The following CSMD3 variants were observed in gnomAD, a reference collection of about 807,000 sequenced individuals.
CSMD3 encodes the protein CUB and sushi domain-containing protein 3.
CSMD3 carries 177 observed loss-of-function variants against 435.2 expected under a neutral mutation model. That is an observed-to-expected ratio of 0.41 (90% CI 0.36 to 0.46). The LOEUF (loss-of-function observed/expected upper bound fraction) is 0.46. CSMD3 is among the 20% of genes least tolerant of loss of function. The pLI is 0.34. For missense variants in CSMD3, 4,265 were observed against 4,504.6 expected, an observed-to-expected ratio of 0.95 and a Z score of 1.52; for synonymous variants, 1,656 against 1,520.5, an observed-to-expected ratio of 1.09 and a Z score of -2.07.
At chr8:112,888,288 G>A (rs1262981379) in intron 10 of CSMD3, among the ~76,000 whole-genome samples, 2 of 151,542 alleles carry the variant, frequency 1.3e-5, no homozygotes, top group South Asian at 2.1e-4. Context: ...CCTCAAGCAC[G>A]GATAATCGAA....
At chr8:112,344,428 C>T (rs892750543) in intron 41 of CSMD3, among the ~76,000 whole-genome samples, 3 of 152,172 alleles carry the variant, frequency 2.0e-5, no homozygotes, top group Non-Finnish European at 4.4e-5. Flanking sequence ...AATATACACT[C>T]AGTAAATATT....
At chr8:113,082,229 A>G (rs1414601116) in intron 5 of CSMD3, among the ~76,000 whole-genome samples, 4 of 152,054 alleles carry the variant, frequency 2.6e-5, no homozygotes, top group Non-Finnish European at 4.4e-5. Context: ...GAGTGTGAGG[A>G]TAGACCCACC....
chr8:112,978,321 C>T (rs889558296), intron 6 of CSMD3, among the ~76,000 whole-genome samples: 9 of 151,926 alleles, frequency 5.9e-5, no homozygotes, highest in Admixed American at 5.9e-4. Flanking sequence ...TATGATCAAT[C>T]TCAAATAATC....
intron 3 of CSMD3, among the ~76,000 whole-genome samples, chr8:113,220,956 CA>C (rs1188784495): frequency 6.6e-6 from 1 of 151,226 alleles, no homozygotes; most frequent in East Asian, 2.0e-4. Context: ...AGACAAACCC[CA>C]AATAATAAAA....
chr8:112,491,377 G>A (rs192899123), intron 31 of CSMD3, among the ~76,000 whole-genome samples: 2 of 152,048 alleles, frequency 1.3e-5, no homozygotes, highest in Middle Eastern at 6.8e-3. Context: ...ACTCTCGGCC[G>A]GGTGCAGTGG....
chr8:113,334,761 A>G (rs1205927500), intron 1 of CSMD3, among the ~76,000 whole-genome samples: 3 of 152,090 alleles, frequency 2.0e-5, no homozygotes, highest in Non-Finnish European at 2.9e-5. Flanking sequence ...GCTATTTGCA[A>G]TATTTATTTC....
chr8:112,272,835 T>C (rs1817654797), intron 59 of CSMD3, among the ~76,000 whole-genome samples: 1 of 152,204 alleles, frequency 6.6e-6, no homozygotes, highest in Admixed American at 6.5e-5. Context: ...CTGTTTTAAT[T>C]TCCACTGAAA....
At chr8:112,561,355 C>T (rs113572591) in intron 24 of CSMD3, among the ~76,000 whole-genome samples, 1 of 151,666 alleles carries the variant, frequency 6.6e-6, no homozygotes, top group South Asian at 2.1e-4. Flanking sequence ...ATCCCCATTA[C>T]CTAGATGTTT....
chr8:112,820,031 A>G (rs2079485166), intron 12 of CSMD3, among the ~76,000 whole-genome samples: 1 of 152,050 alleles, frequency 6.6e-6, no homozygotes, highest in South Asian at 2.1e-4. Context: ...TTGCGGTCTT[A>G]TTTCATTTAC....
intron 64 of CSMD3, among the ~76,000 whole-genome samples, chr8:112,245,916 T>A (rs1219702445): frequency 2.0e-5 from 3 of 152,172 alleles, no homozygotes; most frequent in Non-Finnish European, 4.4e-5. Context: ...AAAACTACAG[T>A]CTGTCTCTAC....
In CSMD3 at chr8:113,318,405, A is replaced by T. The variant is rs2093925611; in HGVS notation, c.179-3612T>A. Among the ~76,000 whole-genome samples the T allele has an allele frequency of 2.0e-5, 3 of 152,288 alleles. No homozygotes were observed. In the South Asian group the frequency reaches 6.2e-4, roughly 32 times the overall value. On this transcript the variant is annotated intron_variant, in intron 1 of 70. Transcript: ENST00000297405. ...AGTGAAATAGATTACTGTAGCTATC[A>T]TCTCACATAGTTACTTTTTTGTTTG...
At chr8:113,261,139 G>C (rs75082339) in intron 3 of CSMD3, among the ~76,000 whole-genome samples, 2,110 of 152,164 alleles carry the variant, frequency 0.014, 48 homozygotes, top group African/African-American at 0.048. Flanking sequence ...ATAAAAGTAT[G>C]AAGTATATAC....
rs558048276 is a variant in CSMD3, at chr8:113,098,557, A to G, written c.917+199T>C. On this transcript the variant is annotated intron_variant, in intron 5 of 70. Coordinates refer to ENST00000297405, the MANE Select transcript of CSMD3 (RefSeq NM_198123.2). Reference sequence around the variant, plus strand: ...AGGAATAACTTTTATTTGTTTATACAAGTTTTGAATTTCATCTATTTTTTA... The same window carrying G: ...AGGAATAACTTTTATTTGTTTATACGAGTTTTGAATTTCATCTATTTTTTA... 5.2e-6 allele frequency: 3 copies of G among 582,144 alleles called. No individual in the cohort carries two copies. The South Asian group carries it at 6.2e-5, about 12-fold the overall frequency. The allele number at this position is 582,144 out of a possible 1,614,324, so 36.1% of individuals were successfully genotyped here. A position where few individuals can be genotyped will look rare whatever the true frequency, so the allele number is the denominator to read the frequency against.
chr8:112,935,059 T>C (rs1009165361), intron 9 of CSMD3, among the ~76,000 whole-genome samples: 4 of 152,098 alleles, frequency 2.6e-5, no homozygotes, highest in African/African-American at 9.7e-5. Context: ...ATACCTAAAT[T>C]TATTTTGAGT....
intron 38 of CSMD3, among the ~76,000 whole-genome samples, chr8:112,353,516 T>G (rs62514423): frequency 0.19 from 28,400 of 152,136 alleles, 3,138 homozygotes; most frequent in Middle Eastern, 0.35. Context: ...TTCATTATTT[T>G]TATTAGGTAA....
At chr8:112,232,470 G>T (rs1266994525) in intron 68 of CSMD3, among the ~76,000 whole-genome samples, 2 of 152,070 alleles carry the variant, frequency 1.3e-5, no homozygotes, top group Non-Finnish European at 2.9e-5. Flanking sequence ...TTAGCCAGGG[G>T]TGGTGGCATG....
intron 3 of CSMD3, among the ~76,000 whole-genome samples, chr8:113,231,954 A>T (rs1025951638): frequency 6.6e-6 from 1 of 151,594 alleles, no homozygotes; most frequent in African/African-American, 2.4e-5. Flanking sequence ...CCAAAAAATG[A>T]GTAAAAATAC....
intron 40 of CSMD3, among the ~76,000 whole-genome samples, chr8:112,346,880 T>C (rs1825730601): frequency 6.6e-6 from 1 of 151,562 alleles, no homozygotes. Context: ...GGGGTTTCAT[T>C]GTGTTAGCCA....
At chr8:113,100,970 C>A (rs950278821) in intron 4 of CSMD3, among the ~76,000 whole-genome samples, 4 of 152,064 alleles carry the variant, frequency 2.6e-5, no homozygotes, top group African/African-American at 9.7e-5. Flanking sequence ...GCTAGTATTT[C>A]TGTTCATCCT....
Sources: gnomAD v4.1 joint callset for allele counts (sites outside exome capture counted in the v4.1 genomes callset) on GRCh38, gnomAD v4.1.1 for gene constraint, MANE v1.5 for transcripts, NCBI Gene and HGNC (gene_info 2026-07-23, HGNC 2026-07-21) for gene names.